Variants in EFCAB5 observed in about 807,000 individuals in gnomAD.
The protein encoded by EFCAB5 is EF-hand calcium binding domain 5, also known as EF-hand calcium-binding domain-containing protein 5.
EFCAB5 carries 131 observed loss-of-function variants against 167.9 expected under a neutral mutation model. The observed-to-expected ratio is 0.78, with a 90% CI of 0.68 to 0.90. The LOEUF is 0.90. Among genes scored for constraint, EFCAB5 ranks in the 40% least tolerant of loss-of-function variants. The pLI is 0.00. For synonymous variants in EFCAB5, 574 were observed against 602.8 expected, an observed-to-expected ratio of 0.95 and a Z score of 0.70; for missense variants, 1,663 against 1,745.2, an observed-to-expected ratio of 0.95 and a Z score of 0.84.
intron 14 of EFCAB5, chr17:30,068,888 G>T: frequency 6.5e-7 from 1 of 1,526,998 alleles, no homozygotes; most frequent in Non-Finnish European, 9.1e-7. Flanking sequence ...GAATATGGGA[G>T]GATGACAGAC....
intron 4 of EFCAB5, among the ~76,000 whole-genome samples, chr17:29,980,327 A>G (rs1395757087): frequency 1.3e-5 from 2 of 152,342 alleles, no homozygotes; most frequent in Middle Eastern, 3.4e-3. Context: ...AGTCTATTTG[A>G]GGAAATATAA....
intron 7 of EFCAB5, among the ~76,000 whole-genome samples, chr17:30,020,757 C>T (rs1322538986): frequency 6.6e-6 from 1 of 152,124 alleles, no homozygotes; most frequent in Non-Finnish European, 1.5e-5. Flanking sequence ...ATTCATCTTT[C>T]ATGTGATGGC....
At chr17:30,094,523 A>AT (rs2071259352) in intron 22 of EFCAB5, among the ~76,000 whole-genome samples, 1 of 150,312 alleles carries the variant, frequency 6.7e-6, no homozygotes, top group African/African-American at 2.5e-5. Flanking sequence ...AAAAAAAAAA[A>AT]AAAAAAAAAA....
Position 30,053,765 on chromosome 17 carries a change from C to T in EFCAB5, c.1811C>T (p.Ala604Val). 1 of 1,613,850 alleles carries T rather than the reference C, an allele frequency of 6.2e-7. No homozygotes were observed. The highest frequency in any genetic ancestry group is 1.1e-5 in the South Asian group (1 of 91,078). ...CAAGGATCAAGCAGAGAGTCAGTTG[C>T]AGAACAAGGGTCACGCAGAGAGTCT... ...SEQGSSRESVAEQGSRRESIA... is the reference protein window; with the variant it reads ...SEQGSSRESVVEQGSRRESIA... Residue 604 changes from alanine (A) to valine (V), a missense_variant, in exon 10 of 23, where the codon GCA becomes GTA. Physicochemically the swap from Ala to Val is moderately conservative, Grantham distance 64. Transcript: ENST00000394835.
chr17:30,077,161 G>A (rs916985839), intron 14 of EFCAB5, among the ~76,000 whole-genome samples: 6 of 152,078 alleles, frequency 3.9e-5, no homozygotes, highest in Non-Finnish European at 5.9e-5. Context: ...AATTAGCCAG[G>A]CATAGTGGTG....
rs1567765476 is a variant in EFCAB5 at position 30,080,807 on chromosome 17, TG to T, written c.3255del (p.Asn1086ThrfsTer28). ...TCCATGTTCCCCAAGTTCAGTACCA[TG>T]GGAACATCTTCTTCTGGAACCAGTC... ...PIHVPQVQYH[G>X]NIFFWNQSRN... On this transcript the variant is annotated frameshift_variant, in exon 17 of 23. Coordinates refer to ENST00000394835, the MANE Select transcript of EFCAB5 (RefSeq NM_198529.4). LOFTEE classifies it high-confidence loss of function. The T allele has an allele frequency of 1.9e-6, 3 of 1,613,034 alleles. No individual in the cohort carries two copies. In the Admixed American group the frequency reaches 5.0e-5, roughly 27 times the overall value.
chr17:30,014,760 A>C (rs2068991633), intron 7 of EFCAB5, among the ~76,000 whole-genome samples: 1 of 152,116 alleles, frequency 6.6e-6, no homozygotes, highest in South Asian at 2.1e-4. Flanking sequence ...CCAATTTGCC[A>C]GTCTGTGTCT....
chr17:29,987,677 A>G (rs891372072), intron 4 of EFCAB5, among the ~76,000 whole-genome samples: 3 of 152,194 alleles, frequency 2.0e-5, no homozygotes, highest in Non-Finnish European at 4.4e-5. Flanking sequence ...CATTCTTTCC[A>G]CTATGGCTTG....
intron 4 of EFCAB5, among the ~76,000 whole-genome samples, chr17:29,989,241 G>A (rs146860216): frequency 7.9e-5 from 12 of 152,304 alleles, no homozygotes; most frequent in African/African-American, 2.2e-4. Context: ...TTAAACTGGC[G>A]TGAGAAATCG....
At chr17:29,945,662 A>G (rs2067383083) in intron 3 of EFCAB5, among the ~76,000 whole-genome samples, 1 of 152,216 alleles carries the variant, frequency 6.6e-6, no homozygotes, top group Non-Finnish European at 1.5e-5. Context: ...ACACACAGAC[A>G]TAATAGAGAA....
intron 7 of EFCAB5, among the ~76,000 whole-genome samples, chr17:30,003,108 G>A (rs920830029): frequency 7.6e-6 from 1 of 131,270 alleles, no homozygotes; most frequent in African/African-American, 2.7e-5. Context: ...GCGGGGGGGG[G>A]GTCTGATATT....
At chr17:30,057,655 G>A in intron 12 of EFCAB5, 21 bp from the exon 13 acceptor site, 7 of 1,599,890 alleles carry the variant, frequency 4.4e-6, no homozygotes, top group Non-Finnish European at 6.0e-6. Flanking sequence ...TTACTGCTTG[G>A]TAATGTTTCT....
chr17:30,060,970 C>G (rs563391074), intron 14 of EFCAB5, among the ~76,000 whole-genome samples: 1 of 152,000 alleles, frequency 6.6e-6, no homozygotes, highest in South Asian at 2.1e-4. Flanking sequence ...TATGAAGAAT[C>G]CTAGAATTTA....
At chr17:30,037,832 A>G (rs1466838896) in intron 8 of EFCAB5, among the ~76,000 whole-genome samples, 1 of 152,216 alleles carries the variant, frequency 6.6e-6, no homozygotes, top group Non-Finnish European at 1.5e-5. Context: ...AGAAAAAGAG[A>G]GAAGTTAATG....
Position 29,941,644 on chromosome 17 carries a change from A to T in EFCAB5, c.-153A>T. ...AGCAGTTGAGAATTTATCATTCAAT[A>T]GAATTGTGGGGTGAGGTGAGGGCAG... is the stretch of plus-strand genomic sequence containing the variant. On this transcript the variant is annotated 5_prime_UTR_variant, in exon 1 of 23. Transcript: ENST00000394835. 1 of 575,666 alleles carries T rather than the reference A, an allele frequency of 1.7e-6. No individual in the cohort carries two copies. Among genetic ancestry groups the T allele is most frequent in the East Asian group, 3.0e-5 (1 of 33,386 alleles). 35.7% of individuals were successfully genotyped at this position (575,666 alleles called of 1,614,324 possible).
At chr17:29,970,670 A>ACACACACACACAAG (rs2067933991) in intron 4 of EFCAB5, among the ~76,000 whole-genome samples, 1 of 124,646 alleles carries the variant, frequency 8.0e-6, no homozygotes, top group African/African-American at 4.2e-5. Context: ...ACACACACAT[A>ACACACACACACAAG]CACACACACA....
Position 29,993,338 on chromosome 17 carries a change from T to C in EFCAB5, c.924+17T>C. On this transcript the variant is annotated intron_variant, in intron 5 of 22. Coordinates refer to ENST00000394835, the MANE Select transcript of EFCAB5 (RefSeq NM_198529.4). ...AAGTCAGTGGTAAGAAAATTGGGGG[T>C]ATATGTGAAAGGTAGGTGGGGTAAG... The C allele has an allele frequency of 6.2e-7, 1 of 1,604,484 alleles. No individual in the cohort carries two copies. Among genetic ancestry groups the C allele is most frequent in the Non-Finnish European group, 8.5e-7 (1 of 1,174,528 alleles).
intron 8 of EFCAB5, among the ~76,000 whole-genome samples, chr17:30,043,132 A>G (rs1043354165): frequency 2.6e-5 from 4 of 152,156 alleles, no homozygotes; most frequent in African/African-American, 9.7e-5. Context: ...AAAAAAAGCT[A>G]TCAAAACAAT....
intron 3 of EFCAB5, among the ~76,000 whole-genome samples, chr17:29,945,307 G>A (rs555103560): frequency 6.7e-5 from 10 of 150,216 alleles, no homozygotes; most frequent in Non-Finnish European, 1.3e-4. Context: ...TAATTTTTAG[G>A]TGCTGGGTTT....
Sources: gnomAD v4.1 joint callset for allele counts (sites outside exome capture counted in the v4.1 genomes callset) on GRCh38, gnomAD v4.1.1 for gene constraint, MANE v1.5 for transcripts, NCBI Gene and HGNC (gene_info 2026-07-23, HGNC 2026-07-21) for gene names.